The following GBE1 variants were observed in gnomAD, a reference collection of about 807,000 sequenced individuals.
GBE1 encodes the protein 1,4-alpha-glucan branching enzyme 1, also known as 1,4-alpha-glucan-branching enzyme.
Under a neutral mutation model 88.8 loss-of-function variants are expected in GBE1, and 70 were observed. The ratio of observed to expected loss-of-function variants is 0.79; its 90% CI spans 0.65 to 0.96. GBE1 has a LOEUF of 0.96. GBE1 is among the 40% of genes least tolerant of loss of function. The pLI, the probability that GBE1 is intolerant of heterozygous loss-of-function variation, is 0.00. For synonymous variants in GBE1, 284 were observed against 300.1 expected (o/e 0.95, Z 0.56); for missense variants, 872 against 871.0 (o/e 1.00, Z -0.01).
intron 1 of GBE1, among the ~76,000 whole-genome samples, chr3:81,707,012 C>A (rs1244921544): frequency 2.6e-5 from 4 of 151,274 alleles, no homozygotes; most frequent in Admixed American, 2.6e-4. Flanking sequence ...AAAAAATGAT[C>A]CAAATATGGA....
chr3:81,598,799 T>C (rs937442035), intron 7 of GBE1, among the ~76,000 whole-genome samples: 25 of 151,752 alleles, frequency 1.6e-4, no homozygotes, highest in Non-Finnish European at 2.8e-4. Context: ...AAATTGTTCA[T>C]TCAACTACTA....
intron 1 of GBE1, among the ~76,000 whole-genome samples, chr3:81,717,965 T>G (rs1705964054): frequency 7.0e-6 from 1 of 142,806 alleles, no homozygotes; most frequent in Admixed American, 6.9e-5. Flanking sequence ...TTTTATTTAT[T>G]TATTTATTTA....
intron 12 of GBE1, among the ~76,000 whole-genome samples, chr3:81,562,382 C>T (rs2106911301): frequency 6.6e-6 from 1 of 152,194 alleles, no homozygotes; most frequent in Non-Finnish European, 1.5e-5. Flanking sequence ...AACACCACTA[C>T]CAACATTAGC....
At chr3:81,749,153 G>T (rs1241345987) in intron 1 of GBE1, among the ~76,000 whole-genome samples, 1 of 151,818 alleles carries the variant, frequency 6.6e-6, no homozygotes, top group South Asian at 2.1e-4. Context: ...CATATCTTAG[G>T]TTTACTGTAA....
intron 14 of GBE1, among the ~76,000 whole-genome samples, chr3:81,500,136 G>A (rs1482970222): frequency 6.6e-6 from 1 of 152,140 alleles, no homozygotes; most frequent in Non-Finnish European, 1.5e-5. Flanking sequence ...CTAAGTCAGA[G>A]ATGAAGATGG....
intron 1 of GBE1, among the ~76,000 whole-genome samples, chr3:81,741,826 A>C (rs1007535351): frequency 6.8e-6 from 1 of 147,828 alleles, no homozygotes; most frequent in Non-Finnish European, 1.5e-5. Flanking sequence ...AGTATTATAC[A>C]TATTATATAG....
At position 81,750,647 on chromosome 3, in the gene GBE1, A is replaced by ATATATATATACG. The variant is rs1559708867; in HGVS notation, c.143+10727_143+10728insCGTATATATATA. On this transcript the variant is annotated intron_variant, in intron 1 of 15. Transcript: ENST00000429644. ...TATATATACGTATATATATATATGT[A>ATATATATATACG]TATATATATATGTATATATATATAT... Among the ~76,000 whole-genome samples, 16 of 48,358 alleles carry ATATATATATACG rather than the reference A, an allele frequency of 3.3e-4. 1 individual carries two copies. The highest frequency in any genetic ancestry group is 1.8e-3 in the African/African-American group (16 of 8,900). 31.7% of individuals were successfully genotyped at this position (48,358 alleles called of 152,430 possible).
intron 12 of GBE1, among the ~76,000 whole-genome samples, chr3:81,545,340 G>A (rs1322395463): frequency 6.6e-6 from 1 of 152,160 alleles, no homozygotes; most frequent in Non-Finnish European, 1.5e-5. Flanking sequence ...GCAAGCTCCA[G>A]TGCACTGTAC....
chr3:81,742,042 G>A (rs997520543), intron 1 of GBE1, among the ~76,000 whole-genome samples: 3 of 151,654 alleles, frequency 2.0e-5, no homozygotes, highest in Non-Finnish European at 4.4e-5. Flanking sequence ...TCTCTTGCAT[G>A]TTTCTGTTTG....
intron 12 of GBE1, among the ~76,000 whole-genome samples, chr3:81,537,325 C>T (rs1473532343): frequency 6.6e-6 from 1 of 151,966 alleles, no homozygotes; most frequent in Admixed American, 6.6e-5. Context: ...AGTTTGGCTG[C>T]TCATTACTTG....
chr3:81,726,373 G>C (rs1706112359), intron 1 of GBE1, among the ~76,000 whole-genome samples: 1 of 152,052 alleles, frequency 6.6e-6, no homozygotes, highest in Non-Finnish European at 1.5e-5. Context: ...GGAAGTAAGA[G>C]GGAGACAGGA....
chr3:81,563,494 G>A (rs1036876417), intron 12 of GBE1, among the ~76,000 whole-genome samples: 5 of 152,050 alleles, frequency 3.3e-5, no homozygotes, highest in African/African-American at 7.2e-5. Flanking sequence ...TCGAGGGAAG[G>A]CTTAATTGAA....
chr3:81,531,191 C>T (rs978289650), intron 14 of GBE1, among the ~76,000 whole-genome samples: 5 of 151,852 alleles, frequency 3.3e-5, no homozygotes, highest in East Asian at 2.0e-4. Context: ...GTTGGTGAAT[C>T]GTGCCAGAAC....
At chr3:81,505,844 T>C (rs1334137966) in intron 14 of GBE1, among the ~76,000 whole-genome samples, 3 of 152,126 alleles carry the variant, frequency 2.0e-5, no homozygotes, top group African/African-American at 7.2e-5. Context: ...GCAGTCATCA[T>C]TAAAAATGAC....
chr3:81,750,694 TGTA>T (rs1706516709), intron 1 of GBE1, among the ~76,000 whole-genome samples: 2 of 100,446 alleles, frequency 2.0e-5, no homozygotes, highest in Non-Finnish European at 3.8e-5. Context: ...TATATATATA[TGTA>T]TTTTTTTTTT....
At chr3:81,675,823 C>A (rs896505147) in intron 2 of GBE1, among the ~76,000 whole-genome samples, 2 of 152,008 alleles carry the variant, frequency 1.3e-5, no homozygotes, top group African/African-American at 4.8e-5. Context: ...ATTACAACAT[C>A]TGCTAAAACA....
At chr3:81,694,324 A>G (rs1028535973) in intron 2 of GBE1, among the ~76,000 whole-genome samples, 7 of 152,236 alleles carry the variant, frequency 4.6e-5, no homozygotes, top group African/African-American at 1.7e-4. Flanking sequence ...CTTTGAACAG[A>G]AAGATACATA....
chr3:81,582,795 T>C (rs934370907), intron 10 of GBE1, among the ~76,000 whole-genome samples: 1 of 151,846 alleles, frequency 6.6e-6, no homozygotes, highest in Non-Finnish European at 1.5e-5. Flanking sequence ...TATAAAACAT[T>C]TAGTAAAAAC....
chr3:81,670,759 TA>T, intron 3 of GBE1, 78 bp downstream of exon 3: 1 of 744,834 alleles, frequency 1.3e-6, no homozygotes, highest in Non-Finnish European at 2.2e-6. Flanking sequence ...TTGTACATTC[TA>T]ATAGTTTAAA....
Sources: allele counts gnomAD v4.1 joint callset (sites outside exome capture counted in the v4.1 genomes callset), GRCh38; gene constraint gnomAD v4.1.1; transcripts MANE v1.5; gene names NCBI Gene and HGNC (gene_info 2026-07-23, HGNC 2026-07-21).